Variants in NALF1 observed in about 807,000 individuals in gnomAD.
NALF1 encodes the protein NALCN channel auxiliary factor 1.
Under a neutral mutation model 48.4 loss-of-function variants are expected in NALF1, and 3 were observed. The ratio of observed to expected loss-of-function variants is 0.06; its 90% CI spans 0.03 to 0.16. The LOEUF is 0.16. Ranked by LOEUF, NALF1 falls within the 10% of genes least tolerant of loss-of-function variation. NALF1 has a pLI of 1.00. For missense variants in NALF1, 526 were observed against 571.5 expected (o/e 0.92, Z 0.81); for synonymous variants, 262 against 245.7 (o/e 1.07, Z -0.62).
At chr13:107,341,909 ACT>A (rs1882689857) in intron 1 of NALF1, among the ~76,000 whole-genome samples, 1 of 150,202 alleles carries the variant, frequency 6.7e-6, no homozygotes, top group Non-Finnish European at 1.5e-5. Context: ...ACACACACAC[ACT>A]GATGCATATA....
At chr13:107,685,680 A>G (rs1881416101) in intron 1 of NALF1, among the ~76,000 whole-genome samples, 1 of 152,250 alleles carries the variant, frequency 6.6e-6, no homozygotes, top group Non-Finnish European at 1.5e-5. Context: ...ATTTTGTTTC[A>G]GCAGTAGCTC....
chr13:107,630,470 A>T (rs1485594119), intron 1 of NALF1, among the ~76,000 whole-genome samples: 1 of 152,138 alleles, frequency 6.6e-6, no homozygotes, highest in African/African-American at 2.4e-5. Context: ...CATTTCTTAT[A>T]GTACTCAAAA....
At chr13:107,361,689 G>A (rs767648601) in intron 1 of NALF1, among the ~76,000 whole-genome samples, 1 of 152,176 alleles carries the variant, frequency 6.6e-6, no homozygotes, top group Non-Finnish European at 1.5e-5. Context: ...TATTTGTTGT[G>A]AGTCTACAAC....
At chr13:107,238,913 T>C (rs1371725463) in intron 1 of NALF1, among the ~76,000 whole-genome samples, 1 of 152,160 alleles carries the variant, frequency 6.6e-6, no homozygotes, top group Admixed American at 6.5e-5. Flanking sequence ...AGATATTTTT[T>C]GTTAGATCAT....
At chr13:107,173,821 C>A (rs1056946937) in intron 2 of NALF1, among the ~76,000 whole-genome samples, 7 of 152,148 alleles carry the variant, frequency 4.6e-5, no homozygotes, top group Non-Finnish European at 7.4e-5. Context: ...AATGATCGTT[C>A]TTCAGATTTA....
At position 107,573,332 on chromosome 13, in the gene NALF1, T is replaced by A. The variant is rs143130202; in HGVS notation, c.915+292350A>T. Among the ~76,000 whole-genome samples, 502 of 96,678 alleles carry A rather than the reference T, an allele frequency of 5.2e-3. 4 individuals are homozygous for A. Among genetic ancestry groups the A allele is most frequent in the African/African-American group, 0.017 (445 of 25,588 alleles). 63.4% of individuals were successfully genotyped at this position (96,678 alleles called of 152,430 possible). A position where few individuals can be genotyped will look rare whatever the true frequency, so the allele number is the denominator to read the frequency against. ...CTCTCTTAAAATTTGGCTTTCCTTATAATTCTTATGTTGCTAAGGTATAGA... is the reference window on the plus strand; with the variant it reads ...CTCTCTTAAAATTTGGCTTTCCTTAAAATTCTTATGTTGCTAAGGTATAGA... On this transcript the variant is annotated intron_variant, in intron 1 of 2. Coordinates refer to ENST00000375915, the MANE Select transcript of NALF1 (RefSeq NM_001080396.3).
At chr13:107,608,308 C>A (rs9514708) in intron 1 of NALF1, among the ~76,000 whole-genome samples, 150,138 of 152,264 alleles carry the variant, frequency 0.99, 74,060 homozygotes, top group East Asian at 1. Context: ...GCACTCACTA[C>A]AGATCCAGCC....
chr13:107,393,377 G>A (rs1883659037), intron 1 of NALF1, among the ~76,000 whole-genome samples: 1 of 151,990 alleles, frequency 6.6e-6, no homozygotes, highest in Non-Finnish European at 1.5e-5. Context: ...TTGGCTTCAT[G>A]GAAATTTATC....
At chr13:107,767,279 C>A (rs4143296) in intron 1 of NALF1, among the ~76,000 whole-genome samples, 6,624 of 152,238 alleles carry the variant, frequency 0.044, 234 homozygotes, top group East Asian at 0.17. Flanking sequence ...GCATAATTGG[C>A]TTGTCACTTC....
At chr13:107,851,369 G>C (rs1880310083) in intron 1 of NALF1, among the ~76,000 whole-genome samples, 1 of 151,008 alleles carries the variant, frequency 6.6e-6, no homozygotes, top group Non-Finnish European at 1.5e-5. Context: ...TAAGTGGCCA[G>C]ATTAAGGAGA....
At chr13:107,610,676 T>G (rs1285549810) in intron 1 of NALF1, among the ~76,000 whole-genome samples, 2 of 152,162 alleles carry the variant, frequency 1.3e-5, no homozygotes, top group African/African-American at 4.8e-5. Context: ...TATATGAAAA[T>G]ACTTGAAAAT....
chr13:107,545,227 A>G (rs1185641166), intron 1 of NALF1, among the ~76,000 whole-genome samples: 2 of 152,186 alleles, frequency 1.3e-5, no homozygotes, highest in East Asian at 1.9e-4. Context: ...ATATGGAGAG[A>G]CACAGGGGGA....
At chr13:107,606,209 T>A (rs1291034345) in intron 1 of NALF1, among the ~76,000 whole-genome samples, 1 of 152,120 alleles carries the variant, frequency 6.6e-6, no homozygotes, top group Non-Finnish European at 1.5e-5. Flanking sequence ...TAGAAGTGGA[T>A]CTGCTACTCC....
intron 1 of NALF1, among the ~76,000 whole-genome samples, chr13:107,286,597 A>AG (rs1378256023): frequency 4.0e-5 from 6 of 149,636 alleles, no homozygotes; most frequent in Non-Finnish European, 8.9e-5. Context: ...AAAAAAAAAA[A>AG]AAAAAAAGAA....
intron 1 of NALF1, among the ~76,000 whole-genome samples, chr13:107,821,209 G>C (rs1424364671): frequency 6.6e-6 from 1 of 152,152 alleles, no homozygotes; most frequent in African/African-American, 2.4e-5. Flanking sequence ...ATATTTAAAA[G>C]AAAGAGAATT....
At chr13:107,331,656 T>C (rs1477719275) in intron 1 of NALF1, among the ~76,000 whole-genome samples, 2 of 152,194 alleles carry the variant, frequency 1.3e-5, no homozygotes, top group East Asian at 3.9e-4. Context: ...TTCTAATCTG[T>C]TTTCTCTATA....
intron 1 of NALF1, among the ~76,000 whole-genome samples, chr13:107,299,476 A>AATAAT (rs1193044497): frequency 1.5e-5 from 2 of 134,816 alleles, no homozygotes; most frequent in Admixed American, 7.9e-5. Flanking sequence ...AATAATAAAT[A>AATAAT]AATAAATAAA....
At chr13:107,346,056 G>A (rs1313792444) in intron 1 of NALF1, among the ~76,000 whole-genome samples, 1 of 152,040 alleles carries the variant, frequency 6.6e-6, no homozygotes, top group Non-Finnish European at 1.5e-5. Flanking sequence ...AAACCACAAT[G>A]AGCTATCACC....
At chr13:107,484,463 T>C (rs1885297875) in intron 1 of NALF1, among the ~76,000 whole-genome samples, 1 of 152,130 alleles carries the variant, frequency 6.6e-6, no homozygotes, top group Non-Finnish European at 1.5e-5. Flanking sequence ...AGGGGAAGAA[T>C]ATATGCTCTG....
Sources: gnomAD v4.1 joint callset for allele counts (sites outside exome capture counted in the v4.1 genomes callset) on GRCh38, gnomAD v4.1.1 for gene constraint, MANE v1.5 for transcripts, NCBI Gene and HGNC (gene_info 2026-07-23, HGNC 2026-07-21) for gene names.